Variants in CCDC77 observed in about 807,000 individuals in gnomAD.
The protein encoded by CCDC77 is coiled-coil domain-containing protein 77.
In CCDC77, 56 loss-of-function variants were observed where a neutral mutation model predicts 66.8. That is an observed-to-expected ratio of 0.84 (90% CI 0.68 to 1.05). CCDC77 has a LOEUF of 1.05. Ranked by LOEUF, CCDC77 falls within the 50% of genes least tolerant of loss-of-function variation. The pLI, the probability that CCDC77 is intolerant of heterozygous loss-of-function variation, is 0.00. For missense variants in CCDC77, 570 were observed against 576.8 expected (o/e 0.99, Z 0.12); for synonymous variants, 196 against 195.2 (o/e 1.00, Z -0.03).
chr12:423,489 GTTTTGTTTTTTT>G (rs1945467958), intron 5 of CCDC77, among the ~76,000 whole-genome samples: 6 of 32,684 alleles, frequency 1.8e-4, no homozygotes, highest in African/African-American at 3.8e-4. Context: ...GTTTTTTTTT[GTTTTGTTTTTTT>G]TTTTTTTTTT....
intron 12 of CCDC77, 33 bp downstream of exon 12, chr12:441,029 A>T: frequency 6.2e-7 from 1 of 1,602,310 alleles, no homozygotes; most frequent in Non-Finnish European, 8.5e-7. Context: ...CACGAGGGAG[A>T]GAAGAGGTGT....
chr12:403,816 G>T (rs1016008411), intron 1 of CCDC77, among the ~76,000 whole-genome samples: 44 of 152,150 alleles, frequency 2.9e-4, no homozygotes, highest in African/African-American at 9.9e-4. Context: ...TTTGAGACAG[G>T]GTCTTGCGCT....
chr12:438,816 C>T (rs1322965266), intron 10 of CCDC77, among the ~76,000 whole-genome samples: 1 of 152,068 alleles, frequency 6.6e-6, no homozygotes, highest in Non-Finnish European at 1.5e-5. Flanking sequence ...CGCCTGTAAT[C>T]CCAGCACTTT....
rs148233661 is a variant in CCDC77 at position 440,708 on chromosome 12, G to A, written c.1133G>A (p.Arg378His). 28 of 1,614,110 alleles carry A rather than the reference G, an allele frequency of 1.7e-5. No individual in the cohort carries two copies. The highest frequency in any genetic ancestry group is 1.4e-4 in the South Asian group (13 of 91,084). The change falls in exon 11 of 13, where the codon CGT becomes CAT. Residue 378 changes from arginine to histidine, a missense_variant. Physicochemically the swap from Arg to His is conservative, Grantham distance 29 (BLOSUM62 0). Transcript: ENST00000239830. ...ISLEEELARI[R>H]EEEGMRREIF... ...TTAGAAGAAGAACTTGCCCGAATTC[G>A]TGAGGAAGAGGGAATGAGGAGAGAG...
In CCDC77 at chr12:411,772, G is replaced by T; in HGVS notation, c.64G>T (p.Val22Phe). 3 of 1,613,856 alleles carry T rather than the reference G, an allele frequency of 1.9e-6. No homozygotes were observed. Among genetic ancestry groups the T allele is most frequent in the Non-Finnish European group, 2.5e-6 (3 of 1,179,894 alleles). ...GCGAACAGTTGTCTCCAAACGTGGT[G>T]TTGCCGTCAGTGGTCCCACCAAGAG... ...RKRTVVSKRG[V>F]AVSGPTKRRG... is the part of the protein sequence containing the mutation. The change falls in exon 4 of 13, where the codon GTT becomes TTT. Residue 22 changes from valine to phenylalanine, a missense_variant. Transcript: ENST00000239830.
intron 2 of CCDC77, among the ~76,000 whole-genome samples, chr12:406,990 G>A (rs1402814290): frequency 6.6e-6 from 1 of 152,160 alleles, no homozygotes; most frequent in African/African-American, 2.4e-5. Flanking sequence ...AGAGACCGTT[G>A]TCGTCATCTG....
At chr12:434,227 A>G (rs73043880) in intron 9 of CCDC77, among the ~76,000 whole-genome samples, 1,578 of 152,030 alleles carry the variant, frequency 0.01, 15 homozygotes, top group Non-Finnish European at 0.017. Context: ...CTCTGTCCTC[A>G]TTGTTTTTGT....
intron 4 of CCDC77, among the ~76,000 whole-genome samples, chr12:417,951 T>C (rs1165473409): frequency 6.6e-6 from 1 of 151,914 alleles, no homozygotes; most frequent in Non-Finnish European, 1.5e-5. Flanking sequence ...CATTCTGGAT[T>C]CTATAGTCTG....
chr12:407,257 G>A (rs1003137290), intron 2 of CCDC77, among the ~76,000 whole-genome samples: 10 of 152,194 alleles, frequency 6.6e-5, no homozygotes, highest in East Asian at 3.8e-4. Flanking sequence ...CTAATGGGTC[G>A]TGTGTGGCAT....
chr12:440,580 A>G (rs1356763718), intron 10 of CCDC77, 37 bp from the exon 11 acceptor site: 1 of 1,609,856 alleles, frequency 6.2e-7, no homozygotes, highest in African/African-American at 1.3e-5. Context: ...GAATTGTAGA[A>G]CTGAGTGTTA....
chr12:410,627 A>G (rs10082788), intron 3 of CCDC77, among the ~76,000 whole-genome samples: 78,947 of 148,200 alleles, frequency 0.53, 22,389 homozygotes, highest in Non-Finnish European at 0.64. Context: ...TCGGCACTTG[A>G]ACCTGCCTCC....
At chr12:425,955 C>T (rs1313384064) in intron 5 of CCDC77, among the ~76,000 whole-genome samples, 1 of 152,156 alleles carries the variant, frequency 6.6e-6, no homozygotes, top group Non-Finnish European at 1.5e-5. Flanking sequence ...ACCTCCGCCT[C>T]CCAGATTGAA....
chr12:423,479 G>T (rs12305388), intron 5 of CCDC77, among the ~76,000 whole-genome samples: 6,154 of 20,600 alleles, frequency 0.3, 1,105 homozygotes, highest in African/African-American at 0.42. Context: ...TGTTTTTTGT[G>T]TTTTTTTTTG....
chr12:406,659 C>T (rs1944996364), intron 2 of CCDC77, among the ~76,000 whole-genome samples: 1 of 152,078 alleles, frequency 6.6e-6, no homozygotes, highest in Non-Finnish European at 1.5e-5. Flanking sequence ...GAAAATGGAA[C>T]AGGGGGACCA....
rs386375348 is a variant in CCDC77, at chr12:407,782, A to ATTTTTTT, written c.-16-1569_-16-1563dup. On this transcript the variant is annotated intron_variant, in intron 2 of 12. Coordinates refer to ENST00000239830, the MANE Select transcript of CCDC77 (RefSeq NM_032358.4). ...AAAATTCTTTCCCAAAGGACTGAAGATTTTTTTTTTTTTTTTTTTTTTTGA... is the reference window on the plus strand; with the variant it reads ...AAAATTCTTTCCCAAAGGACTGAAGATTTTTTTTTTTTTTTTTTTTTTTTTTTTTTGA... 2.7e-4 allele frequency among the ~76,000 whole-genome samples: 27 copies of ATTTTTTT among 100,444 alleles called. 1 individual carries two copies. Among genetic ancestry groups the ATTTTTTT allele is most frequent in the East Asian group, 1.6e-3 (5 of 3,174 alleles). 65.9% of individuals were successfully genotyped at this position (100,444 alleles called of 152,430 possible). A position where few individuals can be genotyped will look rare whatever the true frequency, so the allele number is the denominator to read the frequency against.
At chr12:426,242 C>T (rs1316798611) in intron 5 of CCDC77, among the ~76,000 whole-genome samples, 1 of 152,162 alleles carries the variant, frequency 6.6e-6, no homozygotes, top group African/African-American at 2.4e-5. Context: ...ACACTGCTGT[C>T]CATGTCACAT....
At chr12:390,391 C>T (rs1443527490) in intron 1 of CCDC77, among the ~76,000 whole-genome samples, 1 of 152,162 alleles carries the variant, frequency 6.6e-6, no homozygotes, top group Non-Finnish European at 1.5e-5. Flanking sequence ...GCTTTGCTCT[C>T]CAGCTTCATC....
chr12:431,364 A>T (rs1945649194), intron 7 of CCDC77, among the ~76,000 whole-genome samples: 1 of 151,974 alleles, frequency 6.6e-6, no homozygotes, highest in Non-Finnish European at 1.5e-5. Flanking sequence ...GACGACAGGC[A>T]TATGCCACCA....
chr12:434,314 G>T (rs570851324), intron 9 of CCDC77, among the ~76,000 whole-genome samples: 3 of 151,412 alleles, frequency 2.0e-5, no homozygotes, highest in Non-Finnish European at 4.4e-5. Context: ...TGCCCTTTCT[G>T]GGGTTCTGGG....
Sources: allele counts gnomAD v4.1 joint callset (sites outside exome capture counted in the v4.1 genomes callset), GRCh38; gene constraint gnomAD v4.1.1; transcripts MANE v1.5; gene names NCBI Gene and HGNC (gene_info 2026-07-23, HGNC 2026-07-21).